The following POLR1C variants were observed in gnomAD, a reference collection of about 807,000 sequenced individuals.
The protein encoded by POLR1C is RNA polymerase I and III subunit C.
A neutral mutation model predicts 38.3 loss-of-function variants in POLR1C; 42 were observed. The ratio of observed to expected loss-of-function variants is 1.10; its 90% CI spans 0.86 to 1.42. The LOEUF (loss-of-function observed/expected upper bound fraction) is 1.42. Among genes scored for constraint, POLR1C ranks in the 40% most tolerant of loss-of-function variants. POLR1C has a pLI of 0.00. For synonymous variants in POLR1C, 163 were observed against 163.9 expected (o/e 0.99, Z 0.04); for missense variants, 507 against 450.5 (o/e 1.13, Z -1.14).
At chr6:43,519,251 A>C in intron 2 of POLR1C, 82 bp from the exon 3 acceptor site, 1 of 837,606 alleles carries the variant, frequency 1.2e-6, no homozygotes, top group Non-Finnish European at 2.0e-6. Flanking sequence ...ATAATACTTG[A>C]GGGAATTATC....
chr6:43,545,181 G>T (rs1280325438), intron 9 of POLR1C, among the ~76,000 whole-genome samples: 1 of 151,854 alleles, frequency 6.6e-6, no homozygotes, highest in East Asian at 1.9e-4. Context: ...CCAAAATATT[G>T]TCTATTTCCA....
At chr6:43,528,012 G>A in intron 8 of POLR1C, 1 of 839,600 alleles carries the variant, frequency 1.2e-6, no homozygotes. Context: ...AGCCTGTCCA[G>A]ACAAGCCATG....
chr6:43,519,599 C>A, intron 3 of POLR1C, 107 bp from the exon 4 acceptor site: 1 of 1,529,000 alleles, frequency 6.5e-7, no homozygotes, highest in East Asian at 2.3e-5. Context: ...TCTCATTAAA[C>A]ATTCTAGGAA....
chr6:43,547,421 C>T (rs2127728218), intron 9 of POLR1C: 1 of 685,200 alleles, frequency 1.5e-6, no homozygotes, highest in Non-Finnish European at 2.7e-6. Flanking sequence ...AGACCATCTG[C>T]TCTGCTGTGG....
chr6:43,547,834 T>C, intron 9 of POLR1C: 3 of 675,518 alleles, frequency 4.4e-6, no homozygotes, highest in Non-Finnish European at 7.6e-6. Flanking sequence ...AGGAGTATAA[T>C]CATACTAATT....
chr6:43,555,814 T>C lies in POLR1C; in HGVS notation c.*48+4803T>C, dbSNP rs546555103. On this transcript the variant is annotated intron_variant, in intron 10 of 10. Coordinates refer to the POLR1C transcript ENST00000607635. The stretch of plus-strand genomic sequence containing the variant: ...ATACTGTCCTAACATTTCACTAACA[T>C]TCAGTAATGAAAAAAACTTACAATT... 752 of 1,613,674 alleles carry C rather than the reference T, an allele frequency of 4.7e-4. 13 individuals are homozygous for C. In the South Asian group the frequency reaches 7.8e-3, roughly 17 times the overall value.
At chr6:43,538,137 A>ATTT (rs1794460458) in intron 9 of POLR1C, among the ~76,000 whole-genome samples, 3 of 105,630 alleles carry the variant, frequency 2.8e-5, no homozygotes, top group African/African-American at 1.3e-4. Context: ...CCTAAGAGAC[A>ATTT]TCTTTTTTTT....
chr6:43,541,015 A>G (rs776260593), intron 9 of POLR1C, among the ~76,000 whole-genome samples: 51 of 152,176 alleles, frequency 3.4e-4, no homozygotes, highest in Non-Finnish European at 4.9e-4. Flanking sequence ...AAGACACATC[A>G]CATGTTCTCA....
At chr6:43,556,376 G>C (rs1762089446) in intron 10 of POLR1C, among the ~76,000 whole-genome samples, 1 of 151,898 alleles carries the variant, frequency 6.6e-6, no homozygotes, top group Non-Finnish European at 1.5e-5. Flanking sequence ...AATACAAAAA[G>C]TAGCCAGGTG....
chr6:43,529,255 A>G (rs753440027), exon 9 of POLR1C: 1 of 1,373,576 alleles, frequency 7.3e-7, no homozygotes, highest in Non-Finnish European at 9.7e-7. Flanking sequence ...TCAGGTAAGA[A>G]AGATTTGCTG....
Position 43,538,855 on chromosome 6 carries a change from C to T in POLR1C, c.*4+9496C>T, listed in dbSNP as rs112426863. 8.9e-5 allele frequency: 113 copies of T among 1,264,020 alleles called. 1 individual carries two copies. The African/African-American group carries it at 1.2e-3, about 14-fold the overall frequency. 78.3% of individuals were successfully genotyped at this position (1,264,020 alleles called of 1,614,324 possible). On this transcript the variant is annotated intron_variant, in intron 9 of 10. Transcript: ENST00000607635. ...TAGCCACAGCTGGAGCCTGGGTCTG[C>T]TGCACAGAGACTCTGGTGTGGGTCT...
rs560017930 is a variant in POLR1C at position 43,544,703 on chromosome 6, A to T, written c.*5-6265A>T. 2.6e-5 allele frequency among the ~76,000 whole-genome samples: 4 copies of T among 152,286 alleles called. No individual in the cohort carries two copies. The South Asian group carries it at 8.3e-4, about 32-fold the overall frequency. ...CACTTTGGGAGACTGAAGCAGGCTC[A>T]GCTGTCCGAGACCAGCCTGGGCAAC... On this transcript the variant is annotated intron_variant, in intron 9 of 10. Coordinates refer to the POLR1C transcript ENST00000607635.
intron 9 of POLR1C, chr6:43,549,996 A>C: frequency 6.4e-7 from 1 of 1,556,530 alleles, no homozygotes; most frequent in South Asian, 1.2e-5. Flanking sequence ...AGATCTTGCT[A>C]TGTTGCCCAG....
downstream of POLR1C, chr6:43,524,027 G>T (rs777701567): frequency 1.2e-6 from 2 of 1,607,852 alleles, no homozygotes; most frequent in Admixed American, 3.3e-5. Flanking sequence ...AAATGAGAAA[G>T]AATTAATGCT....
At chr6:43,529,909 C>CA (rs1191727799), downstream of POLR1C, among the ~76,000 whole-genome samples, 30,795 of 97,330 alleles carry the variant, frequency 0.32, 4,522 homozygotes, top group Non-Finnish European at 0.4. Context: ...GACCCTGTCT[C>CA]AAAAAAAAAA....
At chr6:43,530,209 A>G (rs1793878088), downstream of POLR1C, among the ~76,000 whole-genome samples, 1 of 152,178 alleles carries the variant, frequency 6.6e-6, no homozygotes, top group Admixed American at 6.5e-5. Flanking sequence ...GTAAGACAAG[A>G]TCATGCCACT....
At chr6:43,529,172 A>C (rs1793786104) in intron 8 of POLR1C, 2 of 1,478,270 alleles carry the variant, frequency 1.4e-6, no homozygotes, top group Non-Finnish European at 1.8e-6. Context: ...CACTGGCCCA[A>C]AAAGTAGGAA....
At chr6:43,560,408 AC>A (rs1762357585) in intron 10 of POLR1C, 1 of 1,369,192 alleles carries the variant, frequency 7.3e-7, no homozygotes, top group Non-Finnish European at 9.6e-7. Flanking sequence ...ATAAATCTGT[AC>A]AATACTTTGA....
chr6:43,556,722 G>C (rs1762108320), intron 10 of POLR1C, among the ~76,000 whole-genome samples: 1 of 151,974 alleles, frequency 6.6e-6, no homozygotes, highest in Non-Finnish European at 1.5e-5. Context: ...GTATATAAAT[G>C]TTCATAGCAG....
Sources: allele counts gnomAD v4.1 joint callset (sites outside exome capture counted in the v4.1 genomes callset), GRCh38; gene constraint gnomAD v4.1.1; transcripts MANE v1.5; gene names NCBI Gene and HGNC (gene_info 2026-07-23, HGNC 2026-07-21).